Variants in MUCL1 observed in about 807,000 individuals in gnomAD.
MUCL1 encodes the protein mucin like 1.
Under a neutral mutation model 9.2 loss-of-function variants are expected in MUCL1, and 11 were observed. The ratio of observed to expected loss-of-function variants is 1.19; its 90% CI spans 0.75 to 1.97. The LOEUF (loss-of-function observed/expected upper bound fraction) is 1.97. Ranked by LOEUF, MUCL1 falls within the 30% of genes most tolerant of loss-of-function variation. The pLI is 0.00. For synonymous variants in MUCL1, 48 were observed against 40.5 expected (o/e 1.19, Z -0.71); for missense variants, 144 against 110.9 (o/e 1.30, Z -1.34).
chr12:54,832,140 T>C (rs1235505077), intron 1 of MUCL1, among the ~76,000 whole-genome samples: 1 of 152,040 alleles, frequency 6.6e-6, no homozygotes, highest in African/African-American at 2.4e-5. Flanking sequence ...CTAAAGGATA[T>C]AGGAAGTTGC....
rs935424610 is a variant in MUCL1, at chr12:54,854,786, A to G, written c.58+146A>G. The G allele has an allele frequency of 2.6e-5, 18 of 694,978 alleles. No homozygotes were observed. The African/African-American group carries it at 2.9e-4, about 11-fold the overall frequency. 43.1% of individuals were successfully genotyped at this position (694,978 alleles called of 1,614,324 possible). A position where few individuals can be genotyped will look rare whatever the true frequency, so the allele number is the denominator to read the frequency against. ...TCACCATTTTGACTGACCGTTCAAG[A>G]TGGAGATGGTTATCCTTAGGCTCTT... On this transcript the variant is annotated intron_variant, in intron 1 of 3. Transcript: ENST00000308796.
At chr12:54,831,142 C>T (rs1349912) in intron 1 of MUCL1, among the ~76,000 whole-genome samples, 29,906 of 152,054 alleles carry the variant, frequency 0.2, 3,689 homozygotes, top group Middle Eastern at 0.34. Context: ...ACTAAGATCT[C>T]TACAGTCTGT....
rs142903254 is a variant in MUCL1, at chr12:54,854,641, G to A, written c.58+1G>A. On this transcript the variant is annotated splice_donor_variant, in intron 1 of 3. Transcript: ENST00000308796. LOFTEE classifies it high-confidence loss of function. ...GTTTCCATCTTTCTGGTCTCTGCCC[G>A]TAAGTAAAGATTCTTACCTGAACAT... is the stretch of plus-strand genomic sequence containing the variant. The A allele has an allele frequency of 1.2e-4, 193 of 1,611,896 alleles. No homozygotes were observed. Among genetic ancestry groups the A allele is most frequent in the Middle Eastern group, 3.3e-4 (2 of 6,048 alleles).
At chr12:54,831,100 C>G (rs2121475377) in intron 1 of MUCL1, among the ~76,000 whole-genome samples, 1 of 152,288 alleles carries the variant, frequency 6.6e-6, no homozygotes, top group South Asian at 2.1e-4. Context: ...TTTTGTATTA[C>G]TAACTTATGG....
At chr12:54,831,788 G>A (rs1592244071) in intron 1 of MUCL1, among the ~76,000 whole-genome samples, 1 of 151,978 alleles carries the variant, frequency 6.6e-6, no homozygotes, top group South Asian at 2.1e-4. Flanking sequence ...TATACTATGA[G>A]GAAGCATATG....
Position 54,843,203 on chromosome 12 carries a change from G to A in MUCL1, c.43+3756G>A, listed in dbSNP as rs528080666. On this transcript the variant is annotated intron_variant, in intron 1 of 3. Coordinates refer to the MUCL1 transcript ENST00000546809. ...CATTAAATGATGCAGGACTGTAAAT[G>A]GTATCTATTGTTGTCCCAGGAGAAT... Among the ~76,000 whole-genome samples, 12 of 152,210 alleles carry A rather than the reference G, an allele frequency of 7.9e-5. No individual in the cohort carries two copies. In the East Asian group the frequency reaches 9.7e-4, roughly 12 times the overall value.
upstream of MUCL1, among the ~76,000 whole-genome samples, chr12:54,839,001 T>C (rs1959198987): frequency 6.6e-6 from 1 of 152,206 alleles, no homozygotes; most frequent in Admixed American, 6.5e-5. Context: ...GAACACTGTT[T>C]TGTCATATTG....
At chr12:54,839,815 G>A (rs1402087886) in intron 1 of MUCL1, among the ~76,000 whole-genome samples, 1 of 152,172 alleles carries the variant, frequency 6.6e-6, no homozygotes, top group East Asian at 1.9e-4. Flanking sequence ...TCCCATAGGA[G>A]AAGTTCCAAC....
At position 54,854,567 on chromosome 12, in the gene MUCL1, T is replaced by C. The variant is rs1371730489; in HGVS notation, c.-16T>C. Reference sequence around the variant, plus strand: ...AAGCATTTTTGTCTGTGCTCCCTGATCTTCAGGTCACCACCATGAAGTTCT... The same window carrying C: ...AAGCATTTTTGTCTGTGCTCCCTGACCTTCAGGTCACCACCATGAAGTTCT... On this transcript the variant is annotated 5_prime_UTR_variant, in exon 1 of 4. Coordinates refer to ENST00000308796, the MANE Select transcript of MUCL1 (RefSeq NM_058173.3). 6.2e-7 allele frequency: 1 copy of C among 1,610,792 alleles called. No homozygotes were observed. The highest frequency in any genetic ancestry group is 8.5e-7 in the Non-Finnish European group (1 of 1,178,046).
chr12:54,856,063 AT>A (rs1304761775), intron 2 of MUCL1, among the ~76,000 whole-genome samples: 1 of 152,030 alleles, frequency 6.6e-6, no homozygotes, highest in East Asian at 1.9e-4. Flanking sequence ...GAGAGAGATA[AT>A]TTTCAAAACT....
At chr12:54,835,005 T>C (rs1959190545), upstream of MUCL1, among the ~76,000 whole-genome samples, 1 of 152,148 alleles carries the variant, frequency 6.6e-6, no homozygotes, top group Admixed American at 6.5e-5. Context: ...CGGTATTTTG[T>C]TTTCCATTCC....
At chr12:54,841,112 C>G (rs1310172707) in intron 1 of MUCL1, among the ~76,000 whole-genome samples, 1 of 152,180 alleles carries the variant, frequency 6.6e-6, no homozygotes, top group East Asian at 1.9e-4. Flanking sequence ...TGGTTTATTT[C>G]ACTAAGCATA....
upstream of MUCL1, chr12:54,839,224 TA>T (rs1364643703): frequency 1.7e-6 from 1 of 604,692 alleles, no homozygotes; most frequent in Non-Finnish European, 3.0e-6. Context: ...AGTCTTTGTA[TA>T]GTGGCTTACT....
intron 1 of MUCL1, among the ~76,000 whole-genome samples, chr12:54,845,777 A>G (rs1565776420): frequency 6.6e-6 from 1 of 152,156 alleles, no homozygotes; most frequent in Non-Finnish European, 1.5e-5. Flanking sequence ...TATTTAGTGT[A>G]TGTTTTAGCC....
chr12:54,848,899 C>G (rs1959295467), intron 1 of MUCL1, among the ~76,000 whole-genome samples: 1 of 152,028 alleles, frequency 6.6e-6, no homozygotes, highest in Non-Finnish European at 1.5e-5. Context: ...GAGTCAAAAA[C>G]CTCTGAACAT....
chr12:54,834,652 G>C (rs4759111), upstream of MUCL1, among the ~76,000 whole-genome samples: 79,405 of 151,642 alleles, frequency 0.52, 21,249 homozygotes, highest in East Asian at 0.86. Context: ...TTTAAGTATA[G>C]AATACAGTAT....
At chr12:54,857,270 T>TGTGTGTGTGTGTA in intron 3 of MUCL1, among the ~76,000 whole-genome samples, 1 of 117,672 alleles carries the variant, frequency 8.5e-6, no homozygotes, top group East Asian at 2.4e-4. Flanking sequence ...GTGTGTGTGT[T>TGTGTGTGTGTGTA]TAAATCAGGC....
chr12:54,842,539 G>C (rs1959217447), intron 1 of MUCL1, among the ~76,000 whole-genome samples: 1 of 151,986 alleles, frequency 6.6e-6, no homozygotes, highest in African/African-American at 2.4e-5. Flanking sequence ...AGGCCTTTCT[G>C]TGCCTGGTTC....
chr12:54,833,032 A>G (rs891552830), intron 1 of MUCL1, among the ~76,000 whole-genome samples: 4 of 152,100 alleles, frequency 2.6e-5, no homozygotes, highest in African/African-American at 7.2e-5. Context: ...AAATTCCTGT[A>G]CCAGTACAGC....
Sources: gnomAD v4.1 joint callset for allele counts (sites outside exome capture counted in the v4.1 genomes callset) on GRCh38, gnomAD v4.1.1 for gene constraint, MANE v1.5 for transcripts, NCBI Gene and HGNC (gene_info 2026-07-23, HGNC 2026-07-21) for gene names.